GPC5: variants seen among roughly 807,000 people sequenced by gnomAD.
The protein encoded by GPC5 is glypican 5.
In GPC5, 47 loss-of-function variants were observed where a neutral mutation model predicts 53.9. That is an observed-to-expected ratio of 0.87 (90% confidence interval 0.69 to 1.11). The LOEUF is 1.11. GPC5 is among the 50% of genes most tolerant of loss of function. The pLI is 0.00. For synonymous variants in GPC5, 286 were observed against 263.3 expected (o/e 1.09, Z -0.84); for missense variants, 748 against 713.1 (o/e 1.05, Z -0.56).
chr13:92,562,273 C>T (rs1254223578), intron 7 of GPC5, among the ~76,000 whole-genome samples: 1 of 152,018 alleles, frequency 6.6e-6, no homozygotes, highest in Admixed American at 6.6e-5. Context: ...CCAGGCACAC[C>T]ACCACTTCCT....
At chr13:92,727,739 C>T (rs1047665471) in intron 7 of GPC5, among the ~76,000 whole-genome samples, 2 of 151,358 alleles carry the variant, frequency 1.3e-5, no homozygotes, top group African/African-American at 4.8e-5. Flanking sequence ...TTAATGGATT[C>T]TGCTGACTCT....
chr13:91,663,195 A>G (rs1019456101), intron 2 of GPC5, among the ~76,000 whole-genome samples: 8 of 152,186 alleles, frequency 5.3e-5, no homozygotes, highest in African/African-American at 1.4e-4. Context: ...GCGGCCACAG[A>G]CAATTGTAAA....
At chr13:91,420,733 A>G (rs1217051418) in intron 1 of GPC5, among the ~76,000 whole-genome samples, 2 of 152,134 alleles carry the variant, frequency 1.3e-5, no homozygotes, top group Non-Finnish European at 2.9e-5. Context: ...CCCCCATGCT[A>G]TAGAGATAGT....
chr13:91,870,086 T>A (rs2039127574), intron 5 of GPC5, among the ~76,000 whole-genome samples: 1 of 152,218 alleles, frequency 6.6e-6, no homozygotes, highest in Admixed American at 6.5e-5. Context: ...TGGAGACCCT[T>A]AATTGGTAAA....
At chr13:92,493,897 T>G (rs1027667140) in intron 7 of GPC5, among the ~76,000 whole-genome samples, 3 of 152,236 alleles carry the variant, frequency 2.0e-5, no homozygotes, top group African/African-American at 4.8e-5. Context: ...ATCGAGGACA[T>G]TGTTATATAC....
intron 7 of GPC5, among the ~76,000 whole-genome samples, chr13:92,810,065 C>A (rs1316192145): frequency 6.6e-6 from 1 of 151,992 alleles, no homozygotes; most frequent in Non-Finnish European, 1.5e-5. Flanking sequence ...ATAATGAATG[C>A]CCCCTTCTAC....
At chr13:91,875,761 C>T (rs534782467) in intron 5 of GPC5, among the ~76,000 whole-genome samples, 1 of 152,264 alleles carries the variant, frequency 6.6e-6, no homozygotes, top group South Asian at 2.1e-4. Flanking sequence ...AAATTTCAAG[C>T]AAAATACAGA....
intron 2 of GPC5, among the ~76,000 whole-genome samples, chr13:91,485,484 C>T (rs1319342842): frequency 6.6e-6 from 1 of 152,210 alleles, no homozygotes; most frequent in Admixed American, 6.5e-5. Flanking sequence ...TCCCAAAGTG[C>T]TGGGATTACA....
intron 7 of GPC5, among the ~76,000 whole-genome samples, chr13:92,511,779 G>A (rs1282446455): frequency 2.6e-5 from 4 of 152,114 alleles, no homozygotes; most frequent in Admixed American, 1.3e-4. Context: ...ATTGAGCAAG[G>A]GAGAAACTGC....
intron 4 of GPC5, among the ~76,000 whole-genome samples, chr13:91,731,687 C>G (rs1175918396): frequency 6.6e-6 from 1 of 152,036 alleles, no homozygotes; most frequent in African/African-American, 2.4e-5. Context: ...TCTCCTTGCT[C>G]CCCACCCCGA....
At chr13:91,426,254 C>G (rs1463962721) in intron 1 of GPC5, among the ~76,000 whole-genome samples, 1 of 151,710 alleles carries the variant, frequency 6.6e-6, no homozygotes, top group South Asian at 2.1e-4. Flanking sequence ...TCCCGGTAGC[C>G]CCTCCCGTCA....
intron 5 of GPC5, 103 bp from the exon 6 acceptor site, chr13:91,907,834 T>A (rs1566335486): frequency 4.3e-6 from 5 of 1,163,984 alleles, no homozygotes; most frequent in Non-Finnish European, 3.7e-6. Flanking sequence ...CATTGGTGTA[T>A]TCTCTAAAGG....
intron 7 of GPC5, among the ~76,000 whole-genome samples, chr13:92,438,088 G>A (rs1877388685): frequency 6.6e-6 from 1 of 151,986 alleles, no homozygotes. Flanking sequence ...ATTATACAGG[G>A]TGGTGGTCAT....
At chr13:91,893,461 G>C (rs2039409298) in intron 5 of GPC5, among the ~76,000 whole-genome samples, 1 of 151,894 alleles carries the variant, frequency 6.6e-6, no homozygotes, top group South Asian at 2.1e-4. Flanking sequence ...GGGATTTCTG[G>C]CCCTCTACTC....
intron 6 of GPC5, among the ~76,000 whole-genome samples, chr13:91,949,607 G>T (rs1439686406): frequency 6.6e-6 from 1 of 152,152 alleles, no homozygotes; most frequent in African/African-American, 2.4e-5. Context: ...CCCATTATTT[G>T]ATGGTCTATA....
chr13:92,016,088 A>G (rs561541276), intron 6 of GPC5, among the ~76,000 whole-genome samples: 2 of 152,296 alleles, frequency 1.3e-5, no homozygotes, highest in South Asian at 4.1e-4. Context: ...TTAGTACATG[A>G]CCACATTTAG....
intron 7 of GPC5, among the ~76,000 whole-genome samples, chr13:92,634,167 T>G (rs1009082731): frequency 2.6e-5 from 4 of 152,118 alleles, no homozygotes; most frequent in Middle Eastern, 3.2e-3. Context: ...TATTTGGTGC[T>G]TTTTGGCATA....
intron 7 of GPC5, among the ~76,000 whole-genome samples, chr13:92,471,282 A>T (rs1043591526): frequency 2.6e-5 from 4 of 152,158 alleles, no homozygotes; most frequent in Non-Finnish European, 5.9e-5. Context: ...TTTTAAATAT[A>T]TCAGACTCCC....
intron 5 of GPC5, among the ~76,000 whole-genome samples, chr13:91,788,373 C>G (rs1181423337): frequency 2.0e-5 from 3 of 152,170 alleles, no homozygotes; most frequent in Admixed American, 6.5e-5. Flanking sequence ...ACCTTTAAGT[C>G]CATCAATTTG....
Sources: allele counts gnomAD v4.1 joint callset (sites outside exome capture counted in the v4.1 genomes callset), GRCh38; gene constraint gnomAD v4.1.1; transcripts MANE v1.5; gene names NCBI Gene and HGNC (gene_info 2026-07-23, HGNC 2026-07-21).